SMARCAL1: variants seen among roughly 807,000 people sequenced by gnomAD.
The protein encoded by SMARCAL1 is ATP-driven annealing helicase.
A neutral mutation model predicts 94.5 loss-of-function variants in SMARCAL1; 58 were observed. That is an observed-to-expected ratio of 0.61 (90% CI 0.50 to 0.76). SMARCAL1 has a LOEUF of 0.76. Among genes scored for constraint, SMARCAL1 ranks in the 30% least tolerant of loss-of-function variants. SMARCAL1 has a pLI of 0.00. For missense variants in SMARCAL1, 1,051 were observed against 1,177.9 expected, an observed-to-expected ratio of 0.89 and a Z score of 1.58; for synonymous variants, 422 against 455.1, an observed-to-expected ratio of 0.93 and a Z score of 0.93.
At chr2:216,422,108 G>A (rs546461887) in intron 5 of SMARCAL1, among the ~76,000 whole-genome samples, 50 of 152,234 alleles carry the variant, frequency 3.3e-4, no homozygotes, top group African/African-American at 9.6e-4. Context: ...ACTACGGGCC[G>A]GGTGTTGTGG....
chr2:216,446,651 AT>A (rs1239620695), intron 10 of SMARCAL1: 2 of 467,430 alleles, frequency 4.3e-6, no homozygotes, highest in Admixed American at 2.3e-5. Context: ...TTCCTTGTGA[AT>A]TTTTTGCAGC....
rs1322248626 is a variant in SMARCAL1, at chr2:216,475,340, A to G, written c.2316A>G (p.Gln772=). The G allele has an allele frequency of 3.7e-6, 6 of 1,614,002 alleles. No homozygotes were observed. Among genetic ancestry groups the G allele is most frequent in the African/African-American group, 2.7e-5 (2 of 74,890 alleles). ...AEREDLCQQF[Q]LSERHAVAVL... ...GGGAGGACCTGTGCCAGCAGTTCCA[A>G]CTGTCGGAGAGGCATGCTGTGGCCG... Residue 772 remains glutamine, a synonymous_variant, in exon 15 of 18, where the codon CAA becomes CAG. Coordinates refer to ENST00000357276, the MANE Select transcript of SMARCAL1 (RefSeq NM_014140.4). The surrounding 1 kb of genome is among the most constrained non-coding windows in gnomAD (Gnocchi z 4.4).
At chr2:216,457,805 A>G (rs1052969065) in intron 12 of SMARCAL1, among the ~76,000 whole-genome samples, 16 of 152,248 alleles carry the variant, frequency 1.1e-4, no homozygotes, top group African/African-American at 3.9e-4. Flanking sequence ...AACATTCAAA[A>G]GACAGCAGAA....
In SMARCAL1 at chr2:216,428,775, G is replaced by C. The variant is rs772817540; in HGVS notation, c.1327G>C (p.Gly443Arg). ...TAATCTGATGCCCTTTCAGAGAGCT[G>C]GAGTCAAGTAGGTTCTTGATCTTCC... Reference protein sequence around the residue: ...VSNLMPFQRAGVNFAIAKGGR... With the variant: ...VSNLMPFQRARVNFAIAKGGR... The change falls in exon 7 of 18, where the codon GGA becomes CGA. Residue 443 changes from glycine to arginine, a missense_variant. Coordinates refer to ENST00000357276, the MANE Select transcript of SMARCAL1 (RefSeq NM_014140.4). 3.1e-6 allele frequency: 5 copies of C among 1,613,918 alleles called. No individual in the cohort carries two copies. Among genetic ancestry groups the C allele is most frequent in the Non-Finnish European group, 4.2e-6 (5 of 1,179,920 alleles).
rs1368631674 is a variant in SMARCAL1 at position 216,457,695 on chromosome 2, G to C, written c.2070+6631G>C. Among the ~76,000 whole-genome samples the C allele has an allele frequency of 4.6e-5, 7 of 152,200 alleles. No homozygotes were observed. In the East Asian group the frequency reaches 1.2e-3, roughly 25 times the overall value. ...TGGGACACATTTAAAGCAGTGTGTAGAGGGAAATTTATAGCACTAAATGCC... is the reference window on the plus strand; with the variant it reads ...TGGGACACATTTAAAGCAGTGTGTACAGGGAAATTTATAGCACTAAATGCC... On this transcript the variant is annotated intron_variant, in intron 12 of 17. Coordinates refer to ENST00000357276, the MANE Select transcript of SMARCAL1 (RefSeq NM_014140.4).
At chr2:216,429,169 C>T (rs924203346) in intron 7 of SMARCAL1, among the ~76,000 whole-genome samples, 2 of 152,174 alleles carry the variant, frequency 1.3e-5, no homozygotes, top group South Asian at 2.1e-4. Context: ...TGTGGCAGCT[C>T]GGGCCGCCAG....
Position 216,429,230 on chromosome 2 carries a change from T to G in SMARCAL1, c.1334+448T>G, listed in dbSNP as rs184186499. On this transcript the variant is annotated intron_variant, in intron 7 of 17. Coordinates refer to ENST00000357276, the MANE Select transcript of SMARCAL1 (RefSeq NM_014140.4). ...TAGCAACACACAGAAGCACCATTTT[T>G]CTAATGGGGCTAACACTGCAATGGC... 3.8e-3 allele frequency among the ~76,000 whole-genome samples: 586 copies of G among 152,314 alleles called. 32 individuals carry two copies. The South Asian group carries it at 0.11, about 28-fold the overall frequency.
At chr2:216,415,862 A>AG (rs1387223684) in intron 3 of SMARCAL1, 1 of 405,854 alleles carries the variant, frequency 2.5e-6, no homozygotes, top group Non-Finnish European at 4.6e-6. Context: ...GAACTGGCCC[A>AG]GCAAGATTAA....
chr2:216,450,155 T>C (rs17558671), intron 11 of SMARCAL1, among the ~76,000 whole-genome samples: 15,186 of 152,226 alleles, frequency 0.1, 904 homozygotes, highest in South Asian at 0.19. Flanking sequence ...TGGCCAGTAA[T>C]GGCTTCTCTA....
Position 216,432,818 on chromosome 2 carries a change from T to C in SMARCAL1, c.1435T>C (p.Trp479Arg), listed in dbSNP as rs752426954. 6.2e-7 allele frequency: 1 copy of C among 1,613,992 alleles called. No individual in the cohort carries two copies. The highest frequency in any genetic ancestry group is 1.1e-5 in the South Asian group (1 of 91,072). ...CATCGCAGCCTTTTACCGGAAGGAG[T>C]GGCCGCTCCTGGTGGTGGTGCCATC... ...ICIAAFYRKEWPLLVVVPSSV... is the reference protein window; with the variant it reads ...ICIAAFYRKERPLLVVVPSSV... The change falls in exon 8 of 18, where the codon TGG (tryptophan) becomes CGG (arginine). Residue 479 changes from tryptophan (W) to arginine (R), a missense_variant. Transcript: ENST00000357276.
chr2:216,475,282 T>G lies in SMARCAL1; in HGVS notation c.2258T>G (p.Ile753Ser). The change falls in exon 15 of 18, where the codon ATC becomes AGC. Residue 753 changes from isoleucine (I) to serine (S), a missense_variant. Ile to Ser is a moderately radical substitution (Grantham distance 142). Transcript: ENST00000357276. The surrounding 1 kb of genome is among the most constrained non-coding windows in gnomAD (Gnocchi z 4.4). Reference sequence around the variant, plus strand: ...TTGTTCCTGCAGCACGTGCAGCACATCCGCATCGATGGCTCCACCTCATCA... The same window carrying G: ...TTGTTCCTGCAGCACGTGCAGCACAGCCGCATCGATGGCTCCACCTCATCA... ...QELERKHVQHIRIDGSTSSAE... is the reference protein window; with the variant it reads ...QELERKHVQHSRIDGSTSSAE... The G allele has an allele frequency of 6.2e-7, 1 of 1,614,188 alleles. No individual in the cohort carries two copies. Among genetic ancestry groups the G allele is most frequent in the Non-Finnish European group, 8.5e-7 (1 of 1,180,030 alleles).
At chr2:216,424,258 G>C (rs372870256) in intron 6 of SMARCAL1, among the ~76,000 whole-genome samples, 1 of 152,184 alleles carries the variant, frequency 6.6e-6, no homozygotes, top group South Asian at 2.1e-4. Flanking sequence ...AAGCCATTTT[G>C]GGTTTATCAT....
Position 216,475,563 on chromosome 2 carries a change from C to T in SMARCAL1, c.2427+112C>T. On this transcript the variant is annotated intron_variant, in intron 15 of 17. Coordinates refer to ENST00000357276, the MANE Select transcript of SMARCAL1 (RefSeq NM_014140.4). This position sits in a 1 kb window ranked among gnomAD's most constrained non-coding sequence, Gnocchi z 4.4. The stretch of plus-strand genomic sequence containing the variant: ...GTTTCCCTTTTATCCATTCATTATA[C>T]TTCCCACAAGTCAGTTTTCACTTCC... The T allele has an allele frequency of 9.2e-7, 1 of 1,092,516 alleles. No individual in the cohort carries two copies. The highest frequency in any genetic ancestry group is 1.4e-6 in the Non-Finnish European group (1 of 715,212). The allele number at this position is 1,092,516 out of a possible 1,614,324, so 67.7% of individuals were successfully genotyped here.
intron 12 of SMARCAL1, among the ~76,000 whole-genome samples, chr2:216,454,064 AT>A (rs1474022778): frequency 6.6e-6 from 1 of 152,244 alleles, no homozygotes; most frequent in East Asian, 1.9e-4. Context: ...GTCCATACAG[AT>A]TTCCTGGTAA....
chr2:216,413,633 C>A (rs1395006559), intron 1 of SMARCAL1, among the ~76,000 whole-genome samples: 1 of 152,046 alleles, frequency 6.6e-6, no homozygotes, highest in Non-Finnish European at 1.5e-5. Flanking sequence ...TCTTAATTTG[C>A]ACAGTGAACA....
chr2:216,453,646 A>T lies in SMARCAL1; in HGVS notation c.2070+2582A>T, dbSNP rs137920678. ...GTTGGAAGGGTTAAAATGGGGACTT[A>T]TTTTTTTTATGGTTTTAGTTGAATA... is the stretch of plus-strand genomic sequence containing the variant. On this transcript the variant is annotated intron_variant, in intron 12 of 17. Coordinates refer to ENST00000357276, the MANE Select transcript of SMARCAL1 (RefSeq NM_014140.4). Among the ~76,000 whole-genome samples, 265 of 152,042 alleles carry T rather than the reference A, an allele frequency of 1.7e-3. 4 individuals carry two copies. The East Asian group carries it at 0.026, about 15-fold the overall frequency.
intron 10 of SMARCAL1, among the ~76,000 whole-genome samples, chr2:216,443,240 G>A (rs1177696439): frequency 6.6e-6 from 1 of 151,550 alleles, no homozygotes; most frequent in Non-Finnish European, 1.5e-5. Flanking sequence ...GGTGGTCTGC[G>A]CCTATAATCC....
chr2:216,429,052 G>A (rs1449330984), intron 7 of SMARCAL1, among the ~76,000 whole-genome samples: 2 of 152,210 alleles, frequency 1.3e-5, no homozygotes, highest in African/African-American at 4.8e-5. Context: ...ATTTCTCAGT[G>A]CCTGTAAGAG....
At chr2:216,454,565 C>CAGTGGTAAAGT (rs1358399672) in intron 12 of SMARCAL1, among the ~76,000 whole-genome samples, 1 of 152,124 alleles carries the variant, frequency 6.6e-6, no homozygotes. Flanking sequence ...CTAATCTGCA[C>CAGTGGTAAAGT]AGTGGTAAAG....
Sources: allele counts gnomAD v4.1 joint callset (sites outside exome capture counted in the v4.1 genomes callset), GRCh38; gene constraint gnomAD v4.1.1; non-coding constraint Gnocchi (gnomAD v3.1); transcripts MANE v1.5; gene names NCBI Gene and HGNC (gene_info 2026-07-23, HGNC 2026-07-21).